The following PPP1R1C variants were observed in gnomAD, a reference collection of about 807,000 sequenced individuals.
The protein encoded by PPP1R1C is protein phosphatase 1 regulatory inhibitor subunit 1C.
In PPP1R1C, 15 loss-of-function variants were observed where a neutral mutation model predicts 17.4. The observed-to-expected ratio is 0.86, with a 90% confidence interval of 0.58 to 1.33. The LOEUF (loss-of-function observed/expected upper bound fraction) is 1.33, where lower values mean the gene tolerates loss of function less well. Ranked by LOEUF, PPP1R1C falls within the 40% of genes most tolerant of loss-of-function variation. The probability of loss-of-function intolerance (pLI) is 0.00; values close to 1 mark genes in which losing one functional copy is unlikely to be tolerated. For missense variants in PPP1R1C, 143 were observed against 130.0 expected, an observed-to-expected ratio of 1.10 and a Z score of -0.48; for synonymous variants, 35 against 43.1, an observed-to-expected ratio of 0.81 and a Z score of 0.73.
intron 2 of PPP1R1C, among the ~76,000 whole-genome samples, chr2:182,061,194 G>T (rs1687839351): frequency 6.6e-6 from 1 of 152,056 alleles, no homozygotes; most frequent in Admixed American, 6.6e-5. Context: ...TTTCTGGACT[G>T]CTGAAAGGTG....
chr2:181,999,664 AG>A (rs1685705075), intron 2 of PPP1R1C, among the ~76,000 whole-genome samples: 2 of 151,942 alleles, frequency 1.3e-5, no homozygotes, highest in South Asian at 2.1e-4. Flanking sequence ...TTCCAAAATG[AG>A]TTGGTTTTGA....
At chr2:182,125,584 G>GCT (rs1282216511) in intron 5 of PPP1R1C, among the ~76,000 whole-genome samples, 1 of 152,112 alleles carries the variant, frequency 6.6e-6, no homozygotes, top group East Asian at 1.9e-4. Context: ...ACTTGTTATT[G>GCT]CTCTATTCGG....
chr2:181,984,394 A>G (rs1282935414), upstream of PPP1R1C, among the ~76,000 whole-genome samples: 1 of 152,196 alleles, frequency 6.6e-6, no homozygotes, highest in Non-Finnish European at 1.5e-5. Context: ...CTTTCCTTTT[A>G]TATAATTTGA....
In PPP1R1C at chr2:182,108,657, T is replaced by A. The variant is rs547215361; in HGVS notation, c.242-8550T>A. Among the ~76,000 whole-genome samples the A allele has an allele frequency of 8.5e-5, 13 of 152,322 alleles. No individual in the cohort carries two copies. In the East Asian group the frequency reaches 2.5e-3, roughly 29 times the overall value. ...CCATATAAAACTTTCTTCATCTAAA[T>A]CTTCCCCATCTTAGTTAATGATTAT... On this transcript the variant is annotated intron_variant, in intron 4 of 4. Coordinates refer to ENST00000682840, the MANE Select transcript of PPP1R1C (RefSeq NM_001080545.3).
At chr2:182,059,733 C>CAAG (rs1553508513) in intron 2 of PPP1R1C, among the ~76,000 whole-genome samples, 1 of 151,936 alleles carries the variant, frequency 6.6e-6, no homozygotes, top group African/African-American at 2.4e-5. Flanking sequence ...ACAACAACAA[C>CAAG]AACAACAAAA....
intron 4 of PPP1R1C, among the ~76,000 whole-genome samples, chr2:182,074,247 T>G (rs1342859637): frequency 6.6e-6 from 1 of 151,946 alleles, no homozygotes; most frequent in Non-Finnish European, 1.5e-5. Flanking sequence ...TTCACCATAT[T>G]AGCCAGGATG....
chr2:182,098,138 G>A (rs1688997405), intron 4 of PPP1R1C, among the ~76,000 whole-genome samples: 1 of 151,748 alleles, frequency 6.6e-6, no homozygotes, highest in Admixed American at 6.6e-5. Context: ...CCAACCCCTG[G>A]CCTCTACCAT....
intron 2 of PPP1R1C, among the ~76,000 whole-genome samples, chr2:182,004,809 T>A (rs1685868775): frequency 6.6e-6 from 1 of 152,178 alleles, no homozygotes; most frequent in South Asian, 2.1e-4. Flanking sequence ...TGCATAGAGA[T>A]TTAGTGAACT....
intron 2 of PPP1R1C, among the ~76,000 whole-genome samples, chr2:182,014,988 C>T (rs531058717): frequency 6.6e-6 from 1 of 152,148 alleles, no homozygotes; most frequent in African/African-American, 2.4e-5. Context: ...AAATGCTGTC[C>T]AGAAGCCATA....
chr2:181,993,723 A>T (rs1443151692), intron 2 of PPP1R1C, among the ~76,000 whole-genome samples: 1 of 152,158 alleles, frequency 6.6e-6, no homozygotes, highest in Non-Finnish European at 1.5e-5. Context: ...GCTTTCAGTG[A>T]TTCATGTACT....
At chr2:182,088,243 T>A (rs986246639) in intron 4 of PPP1R1C, among the ~76,000 whole-genome samples, 2 of 152,218 alleles carry the variant, frequency 1.3e-5, no homozygotes, top group African/African-American at 2.4e-5. Flanking sequence ...TTTGCTGGGA[T>A]AACCAGTGAA....
At chr2:182,125,798 T>C (rs1172631876) in intron 5 of PPP1R1C, among the ~76,000 whole-genome samples, 1 of 152,200 alleles carries the variant, frequency 6.6e-6, no homozygotes, top group Non-Finnish European at 1.5e-5. Context: ...TTCTTCCTTA[T>C]TAGTCTGGCT....
intron 2 of PPP1R1C, among the ~76,000 whole-genome samples, chr2:182,031,724 C>A (rs1271449678): frequency 1.3e-5 from 2 of 152,152 alleles, no homozygotes; most frequent in Admixed American, 6.5e-5. Context: ...TTCCCATGAT[C>A]AACAGCTGCT....
intron 5 of PPP1R1C, among the ~76,000 whole-genome samples, chr2:182,125,945 T>C (rs1689862321): frequency 6.6e-6 from 1 of 152,164 alleles, no homozygotes; most frequent in Non-Finnish European, 1.5e-5. Context: ...GTTTCTTGTC[T>C]TCTGCAAGCT....
chr2:181,985,852 T>C, upstream of PPP1R1C: 1 of 535,042 alleles, frequency 1.9e-6, no homozygotes. The surrounding 1 kb of genome is among the most constrained non-coding windows in gnomAD (Gnocchi z 4.1). Flanking sequence ...ACAATTAGCG[T>C]ATTGTTCCTT....
chr2:181,985,928 A>T lies in PPP1R1C; in HGVS notation c.-183A>T. 1.6e-6 allele frequency: 1 copy of T among 614,524 alleles called. No individual in the cohort carries two copies. Among genetic ancestry groups the T allele is most frequent in the Non-Finnish European group, 2.9e-6 (1 of 344,052 alleles). 38.1% of individuals were successfully genotyped at this position (614,524 alleles called of 1,614,324 possible). On this transcript the variant is annotated 5_prime_UTR_variant, in exon 1 of 5. An upstream start codon of the reference 5' UTR is lost. Coordinates refer to ENST00000682840, the MANE Select transcript of PPP1R1C (RefSeq NM_001080545.3). The surrounding 1 kb of genome is among the most constrained non-coding windows in gnomAD (Gnocchi z 4.1). ...ACAGGCAAGCCAGGCATCACCGTGG[A>T]TGTTGAAGAAGGGGGTTACTCAAAC...
intron 1 of PPP1R1C, among the ~76,000 whole-genome samples, chr2:181,964,952 C>A (rs1373245520): frequency 6.6e-6 from 1 of 152,182 alleles, no homozygotes; most frequent in East Asian, 1.9e-4. Flanking sequence ...GTCATCCACC[C>A]ACTTTGGCCT....
intron 2 of PPP1R1C, among the ~76,000 whole-genome samples, chr2:182,022,044 A>C (rs1686444257): frequency 6.6e-6 from 1 of 152,132 alleles, no homozygotes; most frequent in African/African-American, 2.4e-5. Context: ...TTATGAGTAG[A>C]TATTTCTTTC....
intron 2 of PPP1R1C, among the ~76,000 whole-genome samples, chr2:182,023,361 T>C (rs768279171): frequency 6.6e-6 from 1 of 151,678 alleles, no homozygotes; most frequent in African/African-American, 2.4e-5. Flanking sequence ...AAAAGTGAAA[T>C]TACTGATCTG....
Sources: allele counts gnomAD v4.1 joint callset (sites outside exome capture counted in the v4.1 genomes callset), GRCh38; gene constraint gnomAD v4.1.1; non-coding constraint Gnocchi (gnomAD v3.1); transcripts MANE v1.5; gene names NCBI Gene and HGNC (gene_info 2026-07-23, HGNC 2026-07-21).